The following MUSK variants were observed in gnomAD, a reference collection of about 807,000 sequenced individuals.
The protein encoded by MUSK is muscle associated receptor tyrosine kinase, also known as muscle, skeletal receptor tyrosine-protein kinase.
MUSK carries 55 observed loss-of-function variants against 88.7 expected under a neutral mutation model. The ratio of observed to expected loss-of-function variants is 0.62; its 90% confidence interval spans 0.50 to 0.78. MUSK has a LOEUF of 0.78. Among genes scored for constraint, MUSK ranks in the 30% least tolerant of loss-of-function variants. The pLI, the probability that MUSK is intolerant of heterozygous loss-of-function variation, is 0.00. For missense variants in MUSK, 1,015 were observed against 1,074.3 expected (o/e 0.94, Z 0.77); for synonymous variants, 387 against 391.9 (o/e 0.99, Z 0.15).
rs2078101954 is a variant in MUSK at position 110,801,867 on chromosome 9, G to A, written c.*879G>A. On this transcript the variant is annotated 3_prime_UTR_variant, in exon 15 of 15. Transcript: ENST00000374448. ...TATTTTTTTCTTTTATTTCATTCAT[G>A]TAATAAACACTCTGGCAGAAATAAT... 6.6e-6 allele frequency among the ~76,000 whole-genome samples: 1 copy of A among 151,690 alleles called. No individual in the cohort carries two copies. Among genetic ancestry groups the A allele is most frequent in the Non-Finnish European group, 1.5e-5 (1 of 67,966 alleles).
chr9:110,727,177 G>A (rs893185704), intron 5 of MUSK, among the ~76,000 whole-genome samples: 4 of 151,324 alleles, frequency 2.6e-5, no homozygotes, highest in African/African-American at 9.7e-5. Flanking sequence ...CTGAGTTGAT[G>A]GAGGTAGGGA....
chr9:110,687,948 T>G (rs2076220108), intron 3 of MUSK, among the ~76,000 whole-genome samples: 1 of 152,118 alleles, frequency 6.6e-6, no homozygotes, highest in South Asian at 2.1e-4. Context: ...GCAGACACTT[T>G]TGCCTTATTT....
rs1278035464 is a variant in MUSK, at chr9:110,805,489, C to T, written c.*4501C>T. The stretch of plus-strand genomic sequence containing the variant: ...TACTTGATTGGTGATTTGCCTCCTA[C>T]TATTATTTTTCTACTGGGTATATCT... On this transcript the variant is annotated 3_prime_UTR_variant, in exon 15 of 15. Coordinates refer to ENST00000374448, the MANE Select transcript of MUSK (RefSeq NM_005592.4). 3.3e-5 allele frequency among the ~76,000 whole-genome samples: 5 copies of T among 151,918 alleles called. No individual in the cohort carries two copies. Among genetic ancestry groups the T allele is most frequent in the African/African-American group, 1.2e-4 (5 of 41,428 alleles).
Position 110,804,344 on chromosome 9 carries a change from C to T in MUSK, c.*3356C>T, listed in dbSNP as rs367941340. ...CACTTCTGTTATGTGGTTTCATATT[C>T]TGCAGAAATATTACTGCCACTTCTA... On this transcript the variant is annotated 3_prime_UTR_variant, in exon 15 of 15. Coordinates refer to ENST00000374448, the MANE Select transcript of MUSK (RefSeq NM_005592.4). Among the ~76,000 whole-genome samples the T allele has an allele frequency of 6.6e-6, 1 of 152,048 alleles. No individual in the cohort carries two copies. Among genetic ancestry groups the T allele is most frequent in the African/African-American group, 2.4e-5 (1 of 41,438 alleles).
At chr9:110,726,072 T>C (rs894422272) in intron 5 of MUSK, among the ~76,000 whole-genome samples, 1 of 151,970 alleles carries the variant, frequency 6.6e-6, no homozygotes, top group African/African-American at 2.4e-5. Context: ...GTAACCTCAA[T>C]TGTGTGTGCA....
intron 5 of MUSK, chr9:110,728,752 A>G (rs1369450005): frequency 1.9e-6 from 3 of 1,542,148 alleles, no homozygotes; most frequent in African/African-American, 1.4e-5. Context: ...CTTCTTTTTA[A>G]TTGTGTAGCT....
In MUSK at chr9:110,708,584, G is replaced by A. The variant is rs188338717; in HGVS notation, c.628+11118G>A. Among the ~76,000 whole-genome samples, 34 of 152,274 alleles carry A rather than the reference G, an allele frequency of 2.2e-4. No individual in the cohort carries two copies. The East Asian group carries it at 4.4e-3, about 20-fold the overall frequency. On this transcript the variant is annotated intron_variant, in intron 5 of 14. Coordinates refer to ENST00000374448, the MANE Select transcript of MUSK (RefSeq NM_005592.4). ...TTAAATCTGCATGATTTAATAGGATGCATGTTCTAAAAGAGGAGCTTGACC... is the reference window on the plus strand; with the variant it reads ...TTAAATCTGCATGATTTAATAGGATACATGTTCTAAAAGAGGAGCTTGACC...
At chr9:110,734,157 AG>A (rs1249756826) in intron 5 of MUSK, 93 bp from the exon 6 acceptor site, 1 of 1,388,966 alleles carries the variant, frequency 7.2e-7, no homozygotes, top group Admixed American at 2.1e-5. Context: ...AACTGCACAC[AG>A]GGGAACATGG....
At chr9:110,709,626 A>C (rs180993833) in intron 5 of MUSK, among the ~76,000 whole-genome samples, 36 of 152,326 alleles carry the variant, frequency 2.4e-4, no homozygotes, top group African/African-American at 7.5e-4. Context: ...ACTTCTGTGC[A>C]ACAGAAGCAG....
intron 3 of MUSK, among the ~76,000 whole-genome samples, chr9:110,691,145 A>C (rs2076351193): frequency 6.6e-6 from 1 of 152,046 alleles, no homozygotes; most frequent in South Asian, 2.1e-4. Flanking sequence ...GATTACAGGC[A>C]TGAGCCTGTT....
chr9:110,709,644 C>T (rs1196670008), intron 5 of MUSK, among the ~76,000 whole-genome samples: 1 of 152,164 alleles, frequency 6.6e-6, no homozygotes. Flanking sequence ...CAGTGATTTA[C>T]GCACTTGTGC....
At chr9:110,744,255 C>A (rs1368012838) in intron 6 of MUSK, among the ~76,000 whole-genome samples, 3 of 152,216 alleles carry the variant, frequency 2.0e-5, no homozygotes, top group African/African-American at 7.2e-5. Flanking sequence ...GCATGAGCCA[C>A]TGCACCCGGC....
At chr9:110,699,490 A>G (rs1220272754) in intron 5 of MUSK, among the ~76,000 whole-genome samples, 2 of 152,190 alleles carry the variant, frequency 1.3e-5, no homozygotes, top group African/African-American at 4.8e-5. Context: ...AAATTGTAAC[A>G]AATTTGCTTT....
intron 7 of MUSK, 44 bp from the exon 8 acceptor site, chr9:110,762,158 C>T (rs1477040785): frequency 2.2e-6 from 3 of 1,385,206 alleles, no homozygotes; most frequent in Non-Finnish European, 2.8e-6. Flanking sequence ...TTTCTTTTCT[C>T]CTTTAATTTG....
intron 5 of MUSK, among the ~76,000 whole-genome samples, chr9:110,731,587 C>A (rs925428282): frequency 5.9e-5 from 9 of 151,998 alleles, no homozygotes; most frequent in African/African-American, 2.2e-4. Context: ...GTCCTCTTAA[C>A]CTAATCCACT....
chr9:110,746,141 C>T lies in MUSK; in HGVS notation c.754-1500C>T, dbSNP rs556794704. On this transcript the variant is annotated intron_variant, in intron 6 of 14. Coordinates refer to ENST00000374448, the MANE Select transcript of MUSK (RefSeq NM_005592.4). ...GCCAACATGGGACGTACCTCCACTC[C>T]TTTAAGATAAAGTCAAAGCATAACA... Among the ~76,000 whole-genome samples, 3 of 152,334 alleles carry T rather than the reference C, an allele frequency of 2.0e-5. No individual in the cohort carries two copies. The South Asian group carries it at 6.2e-4, about 32-fold the overall frequency.
chr9:110,690,299 T>C (rs2076322219), intron 3 of MUSK, among the ~76,000 whole-genome samples: 1 of 105,232 alleles, frequency 9.5e-6, no homozygotes, highest in Non-Finnish European at 1.7e-5. Flanking sequence ...TATAAATATA[T>C]ATTTAAGTAT....
intron 1 of MUSK, among the ~76,000 whole-genome samples, chr9:110,675,117 T>C (rs2076007391): frequency 6.6e-6 from 1 of 152,070 alleles, no homozygotes; most frequent in Non-Finnish European, 1.5e-5. Flanking sequence ...TATCTCCGTC[T>C]ATAGCTGAGA....
chr9:110,701,000 A>G (rs1158692214), intron 5 of MUSK, among the ~76,000 whole-genome samples: 1 of 152,244 alleles, frequency 6.6e-6, no homozygotes, highest in East Asian at 1.9e-4. Flanking sequence ...AAATCAGTTC[A>G]TAAGTATGAT....
Sources: gnomAD v4.1 joint callset for allele counts (sites outside exome capture counted in the v4.1 genomes callset) on GRCh38, gnomAD v4.1.1 for gene constraint, MANE v1.5 for transcripts, NCBI Gene and HGNC (gene_info 2026-07-23, HGNC 2026-07-21) for gene names.